The following PNLIPRP3 variants were observed in gnomAD, a reference collection of about 807,000 sequenced individuals.
PNLIPRP3 encodes pancreatic lipase-related protein 3.
A neutral mutation model predicts 52.8 loss-of-function variants in PNLIPRP3; 58 were observed. The observed-to-expected ratio is 1.10, with a 90% CI of 0.89 to 1.37. The LOEUF (loss-of-function observed/expected upper bound fraction) is 1.37. PNLIPRP3 is among the 40% of genes most tolerant of loss of function. The probability of loss-of-function intolerance (pLI) is 0.00; values close to 1 mark genes in which losing one functional copy is unlikely to be tolerated. For synonymous variants in PNLIPRP3, 192 were observed against 185.0 expected (o/e 1.04, Z -0.31); for missense variants, 593 against 561.6 (o/e 1.06, Z -0.57).
At chr10:116,454,913 T>C (rs1846089468) in intron 4 of PNLIPRP3, among the ~76,000 whole-genome samples, 1 of 152,244 alleles carries the variant, frequency 6.6e-6, no homozygotes, top group African/African-American at 2.4e-5. Flanking sequence ...AGAAGTGAGA[T>C]TGATAGATCA....
chr10:116,448,444 T>C (rs529778449), intron 4 of PNLIPRP3, among the ~76,000 whole-genome samples: 80 of 152,208 alleles, frequency 5.3e-4, no homozygotes, highest in African/African-American at 1.8e-3. Flanking sequence ...TTAAAAAAGC[T>C]ATCAAAGTAT....
rs143947716 is a variant in PNLIPRP3, at chr10:116,453,449, G to A, written c.457-2273G>A. Among the ~76,000 whole-genome samples the A allele has an allele frequency of 7.7e-3, 1,172 of 152,152 alleles. 17 individuals carry two copies. The highest frequency in any genetic ancestry group is 0.024 in the African/African-American group (1,012 of 41,504). On this transcript the variant is annotated intron_variant, in intron 4 of 11. Coordinates refer to ENST00000369230, the MANE Select transcript of PNLIPRP3 (RefSeq NM_001011709.3). ...ATGATTGTATTTTGCAATGTGAAAC[G>A]GACATGAGGTGTAGGGGGGCCAGGA...
At chr10:116,462,269 A>G (rs1207370304) in intron 7 of PNLIPRP3, among the ~76,000 whole-genome samples, 1 of 150,990 alleles carries the variant, frequency 6.6e-6, no homozygotes, top group African/African-American at 2.4e-5. Flanking sequence ...CCCTATCTCT[A>G]CATTTCATCA....
chr10:116,429,778 A>G (rs546855535), intron 1 of PNLIPRP3, among the ~76,000 whole-genome samples: 7 of 152,216 alleles, frequency 4.6e-5, no homozygotes, highest in Admixed American at 1.3e-4. Context: ...AGCCATGACT[A>G]CAGACAGGAT....
At chr10:116,433,190 A>C (rs1845732051) in intron 1 of PNLIPRP3, among the ~76,000 whole-genome samples, 1 of 147,616 alleles carries the variant, frequency 6.8e-6, no homozygotes, top group Non-Finnish European at 1.5e-5. Context: ...CAAAACCCCA[A>C]AGCCACTAAG....
chr10:116,474,204 C>G (rs1265480092), intron 10 of PNLIPRP3, among the ~76,000 whole-genome samples: 2 of 152,158 alleles, frequency 1.3e-5, no homozygotes, highest in African/African-American at 4.8e-5. Flanking sequence ...GAAAGAATCC[C>G]CTACTCAATA....
intron 5 of PNLIPRP3, among the ~76,000 whole-genome samples, chr10:116,459,858 C>G (rs1209329109): frequency 6.6e-6 from 1 of 152,190 alleles, no homozygotes; most frequent in Non-Finnish European, 1.5e-5. Context: ...ACCTCCACCT[C>G]CTTGATTCAA....
intron 7 of PNLIPRP3, 37 bp downstream of exon 7, chr10:116,461,327 T>TTCTATGA: frequency 6.3e-7 from 1 of 1,596,240 alleles, no homozygotes; most frequent in South Asian, 1.1e-5. Flanking sequence ...TACTGATGCA[T>TTCTATGA]ATTCACTTAG....
At chr10:116,435,292 C>G (rs1845758557) in intron 1 of PNLIPRP3, among the ~76,000 whole-genome samples, 1 of 151,898 alleles carries the variant, frequency 6.6e-6, no homozygotes, top group African/African-American at 2.4e-5. Context: ...AGCTGACAGA[C>G]CTTGGAAGCT....
chr10:116,447,252 G>A lies in PNLIPRP3; in HGVS notation c.456+2739G>A, dbSNP rs1589980182. On this transcript the variant is annotated intron_variant, in intron 4 of 11. Transcript: ENST00000369230. ...AGCTTATTCTAGATGCTTGAGGGCT[G>A]CTAAGAATGAAGATAGTAGTTTGGA... 2.6e-5 allele frequency among the ~76,000 whole-genome samples: 4 copies of A among 152,194 alleles called. No individual in the cohort carries two copies. In the East Asian group the frequency reaches 5.8e-4, roughly 22 times the overall value.
intron 8 of PNLIPRP3, among the ~76,000 whole-genome samples, chr10:116,467,648 T>C (rs1846301426): frequency 6.6e-6 from 1 of 152,164 alleles, no homozygotes; most frequent in South Asian, 2.1e-4. Flanking sequence ...TTGATATGTA[T>C]CAAATAAATG....
At chr10:116,446,462 C>A (rs1028554647) in intron 4 of PNLIPRP3, among the ~76,000 whole-genome samples, 3 of 150,698 alleles carry the variant, frequency 2.0e-5, no homozygotes, top group Admixed American at 1.3e-4. Context: ...AGAAAATATT[C>A]TTTGTTCTGT....
chr10:116,454,563 A>G (rs1308930519), intron 4 of PNLIPRP3, among the ~76,000 whole-genome samples: 1 of 152,192 alleles, frequency 6.6e-6, no homozygotes, highest in Non-Finnish European at 1.5e-5. Flanking sequence ...ACTAATCAAT[A>G]TCTCCCTATT....
Position 116,436,946 on chromosome 10 carries a change from T to G in PNLIPRP3, c.204+81T>G, listed in dbSNP as rs1042357348. ...ATAGATACAGAAGACATAGATACAG[T>G]AACCTATTCTGACATATGCTATTGA... On this transcript the variant is annotated intron_variant, in intron 2 of 11. Transcript: ENST00000369230. The G allele has an allele frequency of 1.3e-5, 17 of 1,336,398 alleles. No homozygotes were observed. The African/African-American group carries it at 2.0e-4, about 16-fold the overall frequency. 82.8% of individuals were successfully genotyped at this position (1,336,398 alleles called of 1,614,324 possible).
rs555099336 is a variant in PNLIPRP3, at chr10:116,460,873, T to C, written c.566-93T>C. 7 of 1,495,698 alleles carry C rather than the reference T, an allele frequency of 4.7e-6. No homozygotes were observed. The African/African-American group carries it at 8.4e-5, about 18-fold the overall frequency. 92.7% of individuals were successfully genotyped at this position (1,495,698 alleles called of 1,614,324 possible). ...TTTTTCCTGAGTGATCTTTGATTGA[T>C]AGAAATAATGTAGGAAAGGACACAT... On this transcript the variant is annotated intron_variant, in intron 5 of 11. Coordinates refer to ENST00000369230, the MANE Select transcript of PNLIPRP3 (RefSeq NM_001011709.3).
chr10:116,476,574 G>A (rs113103165), intron 10 of PNLIPRP3, 78 bp from the exon 11 acceptor site: 14 of 1,155,234 alleles, frequency 1.2e-5, no homozygotes, highest in African/African-American at 9.6e-5. Context: ...CTTCCATAGT[G>A]CATACACAGA....
At chr10:116,455,387 C>T (rs1465000753) in intron 4 of PNLIPRP3, among the ~76,000 whole-genome samples, 1 of 152,172 alleles carries the variant, frequency 6.6e-6, no homozygotes, top group African/African-American at 2.4e-5. Flanking sequence ...ATGTTGTGAG[C>T]ATGCTGAAAG....
chr10:116,435,559 C>T (rs556375450), intron 1 of PNLIPRP3, among the ~76,000 whole-genome samples: 27 of 152,074 alleles, frequency 1.8e-4, no homozygotes, highest in Non-Finnish European at 3.2e-4. Context: ...TGTTATCTCT[C>T]GGCTTCAAGC....
intron 5 of PNLIPRP3, among the ~76,000 whole-genome samples, chr10:116,459,051 T>C (rs189538976): frequency 1.4e-3 from 217 of 152,246 alleles, no homozygotes; most frequent in African/African-American, 5.1e-3. Context: ...TTTGTCCCAG[T>C]GGACCCCTCC....
Sources: gnomAD v4.1 joint callset for allele counts (sites outside exome capture counted in the v4.1 genomes callset) on GRCh38, gnomAD v4.1.1 for gene constraint, MANE v1.5 for transcripts, NCBI Gene and HGNC (gene_info 2026-07-23, HGNC 2026-07-21) for gene names.